AFF3: variants seen among roughly 807,000 people sequenced by gnomAD.
AFF3 encodes the protein ALF transcription elongation factor 3.
A neutral mutation model predicts 129.7 loss-of-function variants in AFF3; 32 were observed. That is an observed-to-expected ratio of 0.25 (90% CI 0.19 to 0.33). The LOEUF (loss-of-function observed/expected upper bound fraction) is 0.33, where lower values mean the gene tolerates loss of function less well. AFF3 is among the 10% of genes least tolerant of loss of function. AFF3 has a pLI of 1.00. For missense variants in AFF3, 1,373 were observed against 1,592.0 expected (o/e 0.86, Z 2.34); for synonymous variants, 644 against 635.4 (o/e 1.01, Z -0.20).
At chr2:99,596,011 CTG>C (rs1491439793) in intron 14 of AFF3, among the ~76,000 whole-genome samples, 1 of 152,216 alleles carries the variant, frequency 6.6e-6, no homozygotes, top group Non-Finnish European at 1.5e-5. Flanking sequence ...CTTCCCTGGG[CTG>C]TGAGGATGCG....
At chr2:99,830,952 A>G (rs1429269) in intron 8 of AFF3, among the ~76,000 whole-genome samples, 133,740 of 152,026 alleles carry the variant, frequency 0.88, 58,981 homozygotes, top group African/African-American at 0.95. Context: ...AAAGGCAGGC[A>G]CCAGCCCTGG....
intron 13 of AFF3, among the ~76,000 whole-genome samples, chr2:99,624,698 G>A (rs888028667): frequency 2.0e-5 from 3 of 152,176 alleles, no homozygotes; most frequent in Non-Finnish European, 4.4e-5. Context: ...CTTAATGGCA[G>A]CAAGAAAAAG....
At chr2:99,851,055 T>C (rs1690106995) in intron 7 of AFF3, among the ~76,000 whole-genome samples, 1 of 152,234 alleles carries the variant, frequency 6.6e-6, no homozygotes, top group Non-Finnish European at 1.5e-5. Context: ...TTTATAATGA[T>C]AATTAAGATT....
At chr2:99,917,871 A>G (rs1004596532) in intron 7 of AFF3, among the ~76,000 whole-genome samples, 1 of 152,192 alleles carries the variant, frequency 6.6e-6, no homozygotes, top group Non-Finnish European at 1.5e-5. Flanking sequence ...CCCTGCGAAC[A>G]GTGCGCAAAA....
intron 8 of AFF3, among the ~76,000 whole-genome samples, chr2:99,774,290 C>T (rs1683721021): frequency 6.6e-6 from 1 of 152,114 alleles, no homozygotes; most frequent in Non-Finnish European, 1.5e-5. Context: ...CAATCCTAAT[C>T]CTAAGCAAAA....
intron 11 of AFF3, among the ~76,000 whole-genome samples, chr2:99,685,262 G>T (rs1488485473): frequency 6.6e-6 from 1 of 152,104 alleles, no homozygotes; most frequent in Admixed American, 6.6e-5. Flanking sequence ...AAATAGAGTT[G>T]AAAATTAGGC....
intron 11 of AFF3, among the ~76,000 whole-genome samples, chr2:99,719,012 A>G (rs140645333): frequency 0.049 from 7,289 of 149,582 alleles, 290 homozygotes; most frequent in Non-Finnish European, 0.073. Context: ...TGGCCTCCCA[A>G]AGTGCTGGGA....
chr2:99,901,695 A>G (rs1694354511), intron 7 of AFF3, among the ~76,000 whole-genome samples: 1 of 152,172 alleles, frequency 6.6e-6, no homozygotes, highest in Non-Finnish European at 1.5e-5. Context: ...TACTGAGTCT[A>G]GCTCAAGCTT....
intron 4 of AFF3, among the ~76,000 whole-genome samples, chr2:100,060,876 C>A (rs764407458): frequency 6.6e-6 from 1 of 152,178 alleles, no homozygotes; most frequent in Non-Finnish European, 1.5e-5. Context: ...CATCCCACTA[C>A]GTTTAGAGCT....
chr2:99,879,119 A>G (rs546691938), intron 7 of AFF3, among the ~76,000 whole-genome samples: 1 of 152,244 alleles, frequency 6.6e-6, no homozygotes, highest in Non-Finnish European at 1.5e-5. Flanking sequence ...ACGGTGAAGG[A>G]AACATAAAGC....
At chr2:100,130,278 T>C (rs191361233) in intron 1 of AFF3, among the ~76,000 whole-genome samples, 77 of 152,172 alleles carry the variant, frequency 5.1e-4, no homozygotes, top group Non-Finnish European at 9.8e-4. Context: ...AAAACTGATG[T>C]GCCCGAGAAT....
At chr2:99,762,156 G>A (rs1305321317) in intron 8 of AFF3, among the ~76,000 whole-genome samples, 4 of 139,566 alleles carry the variant, frequency 2.9e-5, no homozygotes, top group Non-Finnish European at 6.1e-5. Flanking sequence ...ATGGAGTCTC[G>A]CTCTGTCACC....
intron 4 of AFF3, among the ~76,000 whole-genome samples, chr2:100,043,277 T>C (rs1051950743): frequency 6.6e-6 from 1 of 151,908 alleles, no homozygotes; most frequent in African/African-American, 2.4e-5. Context: ...AATTTGGCGG[T>C]GAAAAACCCT....
At chr2:99,669,213 C>G (rs1686944525) in intron 12 of AFF3, among the ~76,000 whole-genome samples, 1 of 152,144 alleles carries the variant, frequency 6.6e-6, no homozygotes. Context: ...AACAAAAGAC[C>G]TGTACAAGGA....
chr2:99,552,697 G>A (rs974859355), intron 24 of AFF3, among the ~76,000 whole-genome samples: 5 of 152,044 alleles, frequency 3.3e-5, no homozygotes, highest in African/African-American at 1.2e-4. Context: ...GGGTAGAACA[G>A]AGGAGGAGGA....
intron 11 of AFF3, among the ~76,000 whole-genome samples, chr2:99,716,214 T>C (rs1015763076): frequency 4.6e-5 from 7 of 152,180 alleles, no homozygotes; most frequent in African/African-American, 1.7e-4. Context: ...TTTTCTAGTA[T>C]AGGCAACAGT....
chr2:99,621,252 C>G (rs1681974780), intron 13 of AFF3, among the ~76,000 whole-genome samples: 1 of 152,220 alleles, frequency 6.6e-6, no homozygotes, highest in African/African-American at 2.4e-5. Context: ...CTTCAGTTGA[C>G]TATAACAAGC....
intron 11 of AFF3, among the ~76,000 whole-genome samples, chr2:99,700,422 G>A (rs1461356812): frequency 6.6e-6 from 1 of 152,170 alleles, no homozygotes; most frequent in African/African-American, 2.4e-5. Context: ...CCTGGCCAAA[G>A]CCTCTGTTTT....
intron 7 of AFF3, among the ~76,000 whole-genome samples, chr2:99,857,869 T>C (rs948867120): frequency 1.3e-5 from 2 of 152,220 alleles, no homozygotes; most frequent in Non-Finnish European, 2.9e-5. Flanking sequence ...ATGACTTTTT[T>C]CCCCTGACAT....
Sources: gnomAD v4.1 joint callset for allele counts (sites outside exome capture counted in the v4.1 genomes callset) on GRCh38, gnomAD v4.1.1 for gene constraint, MANE v1.5 for transcripts, NCBI Gene and HGNC (gene_info 2026-07-23, HGNC 2026-07-21) for gene names.